The following ZNF143 variants were observed in gnomAD, a reference collection of about 807,000 sequenced individuals.
ZNF143 encodes zinc finger protein 143, also known as SPH-binding factor.
A neutral mutation model predicts 74.1 loss-of-function variants in ZNF143; 49 were observed. The ratio of observed to expected loss-of-function variants is 0.66; its 90% confidence interval spans 0.53 to 0.84. The LOEUF is 0.84. ZNF143 is among the 40% of genes least tolerant of loss of function. The probability of loss-of-function intolerance (pLI) is 0.00; values close to 1 mark genes in which losing one functional copy is unlikely to be tolerated. For synonymous variants in ZNF143, 304 were observed against 282.8 expected, an observed-to-expected ratio of 1.07 and a Z score of -0.75; for missense variants, 637 against 793.4, an observed-to-expected ratio of 0.80 and a Z score of 2.37.
chr11:9,523,405 T>A (rs918835475), intron 14 of ZNF143, among the ~76,000 whole-genome samples: 9 of 152,188 alleles, frequency 5.9e-5, no homozygotes. Context: ...TGTTGGAATG[T>A]TGTTGGAAAC....
At position 9,496,305 on chromosome 11, in the gene ZNF143, C is replaced by G. The variant is rs1847955446; in HGVS notation, c.768C>G (p.Val256=). Residue 256 remains valine (V), a splice_region_variant and synonymous_variant, in exon 9 of 16, where the codon GTC becomes GTG. Transcript: ENST00000396602. The part of the protein sequence containing the change: ...KLYTTAHHLK[V]HERSHTGDRP... Reference sequence around the variant, plus strand: ...TCATGCCTGCATTTTAATCACAGGTCCATGAGAGGTCACACACAGGAGATC... The same window carrying G: ...TCATGCCTGCATTTTAATCACAGGTGCATGAGAGGTCACACACAGGAGATC... The G allele has an allele frequency of 6.2e-7, 1 of 1,614,082 alleles. No homozygotes were observed. The highest frequency in any genetic ancestry group is 1.1e-5 in the South Asian group (1 of 91,072).
At position 9,512,517 on chromosome 11, in the gene ZNF143, T is replaced by C. The variant is rs1848586698; in HGVS notation, c.1445T>C (p.Val482Ala). 1 of 1,614,106 alleles carries C rather than the reference T, an allele frequency of 6.2e-7. No homozygotes were observed. The highest frequency in any genetic ancestry group is 8.5e-7 in the Non-Finnish European group (1 of 1,180,030). The part of the protein sequence containing the change: ...YVTGVEGDDV[V>A]STQVATVTQS... ...ACAGGTGTAGAAGGGGACGACGTTGTTTCTACACAAGTAGCCACAGTAACC... is the reference window on the plus strand; with the variant it reads ...ACAGGTGTAGAAGGGGACGACGTTGCTTCTACACAAGTAGCCACAGTAACC... Residue 482 changes from valine (V) to alanine (A), a missense_variant, in exon 13 of 16, where the codon GTT becomes GCT. Around this residue, in one of 2 missense-constraint regions of ZNF143, gnomAD observed 344 missense variants for 485.6 expected, o/e 0.71. Transcript: ENST00000396602.
chr11:9,523,988 C>T (rs1045001761), intron 14 of ZNF143, among the ~76,000 whole-genome samples: 21 of 144,608 alleles, frequency 1.5e-4, no homozygotes, highest in African/African-American at 4.7e-4. Flanking sequence ...GCAGAGTTTG[C>T]AGTGAGCTGA....
At chr11:9,463,902 G>A (rs1217343953) in intron 1 of ZNF143, 1 of 152,114 alleles carries the variant, frequency 6.6e-6, no homozygotes, top group Non-Finnish European at 1.5e-5. Flanking sequence ...GTTCATACAA[G>A]CATATACAGA....
chr11:9,519,912 G>T (rs950882926), intron 14 of ZNF143, among the ~76,000 whole-genome samples: 2 of 152,008 alleles, frequency 1.3e-5, no homozygotes, highest in South Asian at 2.1e-4. Context: ...TAGGCTGGGC[G>T]CAGTGGCTCA....
chr11:9,520,848 G>GT (rs1848900354), intron 14 of ZNF143, among the ~76,000 whole-genome samples: 1 of 152,166 alleles, frequency 6.6e-6, no homozygotes, highest in Admixed American at 6.5e-5. Context: ...ATTTGGAGTT[G>GT]TTTTAAAGTT....
At chr11:9,491,498 G>T (rs1355840525) in intron 7 of ZNF143, among the ~76,000 whole-genome samples, 1 of 151,960 alleles carries the variant, frequency 6.6e-6, no homozygotes, top group Non-Finnish European at 1.5e-5. Context: ...AATTAGCCCG[G>T]CATGGTGGCG....
chr11:9,486,401 A>G (rs1260463362), intron 7 of ZNF143, among the ~76,000 whole-genome samples: 1 of 29,338 alleles, frequency 3.4e-5, no homozygotes, highest in Non-Finnish European at 5.9e-5. Flanking sequence ...TATATAATAT[A>G]TTATATATAT....
intron 15 of ZNF143, among the ~76,000 whole-genome samples, chr11:9,526,637 TCA>T (rs1486577012): frequency 1.3e-5 from 2 of 152,064 alleles, no homozygotes; most frequent in African/African-American, 4.8e-5. Flanking sequence ...AGATGGGGTC[TCA>T]CTATGTTGCT....
At chr11:9,492,235 C>T (rs748216517) in intron 7 of ZNF143, among the ~76,000 whole-genome samples, 16 of 152,026 alleles carry the variant, frequency 1.1e-4, no homozygotes, top group Admixed American at 7.9e-4. Flanking sequence ...CGCAGCCTCC[C>T]TAGTAGCTGG....
rs140625678 is a variant in ZNF143, at chr11:9,525,092, C to T, written c.1687-148C>T. On this transcript the variant is annotated intron_variant, in intron 14 of 15. Transcript: ENST00000396602. Reference sequence around the variant, plus strand: ...TGAGCCTCAACTTCCTCAAATAAACCTCCTTTCAATATAGGCTTTGACAAG... The same window carrying T: ...TGAGCCTCAACTTCCTCAAATAAACTTCCTTTCAATATAGGCTTTGACAAG... The T allele has an allele frequency of 3.3e-6, 3 of 911,922 alleles. No individual in the cohort carries two copies. In the Admixed American group the frequency reaches 8.5e-5, roughly 26 times the overall value. 56.5% of individuals were successfully genotyped at this position (911,922 alleles called of 1,614,324 possible). A position where few individuals can be genotyped will look rare whatever the true frequency, so the allele number is the denominator to read the frequency against.
At chr11:9,477,310 A>G (rs375378280) in intron 5 of ZNF143, among the ~76,000 whole-genome samples, 19 of 143,606 alleles carry the variant, frequency 1.3e-4, no homozygotes, top group East Asian at 6.0e-4. Flanking sequence ...GCTGGAGTGC[A>G]GTGGTGCAAT....
At chr11:9,496,446 GGAACTGACCCCTTGGCTGTGTCT>G in intron 9 of ZNF143, 68 bp downstream of exon 9, 1 of 1,316,978 alleles carries the variant, frequency 7.6e-7, no homozygotes, top group South Asian at 1.2e-5. Flanking sequence ...GCTAGTGGAA[GGAACTGACCCCTTGGCTGTGTCT>G]GAATCTGCAG....
intron 9 of ZNF143, among the ~76,000 whole-genome samples, chr11:9,497,399 T>G (rs1270166053): frequency 1.3e-5 from 2 of 152,004 alleles, no homozygotes; most frequent in Non-Finnish European, 2.9e-5. Flanking sequence ...CCAGAAAATT[T>G]TTTGCATTTT....
intron 5 of ZNF143, among the ~76,000 whole-genome samples, chr11:9,476,994 C>A (rs1370657576): frequency 6.7e-6 from 1 of 150,008 alleles, no homozygotes; most frequent in East Asian, 2.0e-4. Flanking sequence ...GGTCTCCTGA[C>A]CTTGTGATCT....
chr11:9,509,830 A>G (rs1848477524), intron 12 of ZNF143, among the ~76,000 whole-genome samples: 1 of 152,238 alleles, frequency 6.6e-6, no homozygotes, highest in Non-Finnish European at 1.5e-5. Flanking sequence ...ATGGTTAAAT[A>G]TTACATCAAT....
At position 9,503,951 on chromosome 11, in the gene ZNF143, CTTTTTT is replaced by C. The variant is rs35371465; in HGVS notation, c.1147+2702_1147+2707del. On this transcript the variant is annotated intron_variant, in intron 11 of 15. Coordinates refer to ENST00000396602, the MANE Select transcript of ZNF143 (RefSeq NM_003442.6). ...ACAGGCATGAGCCACCACGCCTTGCCTTTTTTTTTTTTTTTTTTTTTTTTTTGAGAC... is the reference window on the plus strand; with the variant it reads ...ACAGGCATGAGCCACCACGCCTTGCCTTTTTTTTTTTTTTTTTTTTGAGAC... 9.4e-5 allele frequency among the ~76,000 whole-genome samples: 5 copies of C among 53,100 alleles called. No homozygotes were observed. The Admixed American group carries it at 1.0e-3, about 11-fold the overall frequency. 34.8% of individuals were successfully genotyped at this position (53,100 alleles called of 152,430 possible).
In ZNF143 at chr11:9,527,740, G is replaced by C; in HGVS notation, c.*127G>C. On this transcript the variant is annotated 3_prime_UTR_variant, in exon 16 of 16. Transcript: ENST00000396602. ...TGATACACTGTACACATTTTTATGC[G>C]AGAGTGGAGAACATTTTATTCTTGA... 1.3e-6 allele frequency: 1 copy of C among 753,132 alleles called. No homozygotes were observed. 46.7% of individuals were successfully genotyped at this position (753,132 alleles called of 1,614,324 possible). A position where few individuals can be genotyped will look rare whatever the true frequency, so the allele number is the denominator to read the frequency against.
At position 9,525,340 on chromosome 11, in the gene ZNF143, C is replaced by T. The variant is rs749518831; in HGVS notation, c.1787C>T (p.Pro596Leu). The T allele has an allele frequency of 6.2e-7, 1 of 1,614,168 alleles. No individual in the cohort carries two copies. The highest frequency in any genetic ancestry group is 2.2e-5 in the East Asian group (1 of 44,886). ...CACTTAGTAACCACAGAAACCAGAC[C>T]TCTGACCTTAGTAGCAACATCCAAT... Reference protein sequence around the residue: ...SHHLVTTETRPLTLVATSNGT... With the variant: ...SHHLVTTETRLLTLVATSNGT... The change falls in exon 15 of 16, where the codon CCT becomes CTT. Residue 596 changes from proline to leucine, a missense_variant. Pro to Leu is a moderately conservative substitution (Grantham distance 98). Around this residue, in one of 2 missense-constraint regions of ZNF143, gnomAD observed 344 missense variants for 485.6 expected, o/e 0.71. Transcript: ENST00000396602.
Sources: gnomAD v4.1 joint callset for allele counts (sites outside exome capture counted in the v4.1 genomes callset) on GRCh38, gnomAD v4.1.1 for gene constraint, gnomAD v4.1.1 regional missense constraint, MANE v1.5 for transcripts, NCBI Gene and HGNC (gene_info 2026-07-23, HGNC 2026-07-21) for gene names.